CACNA2D2: variants seen among roughly 807,000 people sequenced by gnomAD.
CACNA2D2 encodes the protein voltage-dependent calcium channel subunit alpha-2/delta-2.
CACNA2D2 carries 48 observed loss-of-function variants against 166.4 expected under a neutral mutation model. The observed-to-expected ratio is 0.29, with a 90% confidence interval of 0.23 to 0.37. The LOEUF (loss-of-function observed/expected upper bound fraction) is 0.37. CACNA2D2 is among the 10% of genes least tolerant of loss of function. The pLI, the probability that CACNA2D2 is intolerant of heterozygous loss-of-function variation, is 1.00. For missense variants in CACNA2D2, 1,122 were observed against 1,433.0 expected (o/e 0.78, Z 3.50); for synonymous variants, 561 against 573.7 (o/e 0.98, Z 0.32).
chr3:50,474,859 C>T (rs1235300450), intron 2 of CACNA2D2, among the ~76,000 whole-genome samples: 2 of 152,188 alleles, frequency 1.3e-5, no homozygotes, highest in Non-Finnish European at 2.9e-5. Context: ...CTGGAAAGCT[C>T]TGCTGGCCTC....
intron 1 of CACNA2D2, among the ~76,000 whole-genome samples, chr3:50,495,790 C>T (rs1698699930): frequency 1.3e-5 from 2 of 152,160 alleles, no homozygotes; most frequent in South Asian, 4.1e-4. Context: ...GCTTCCCACT[C>T]TGCCTGAGCC....
At chr3:50,371,350 G>C (rs587628719) in intron 22 of CACNA2D2, among the ~76,000 whole-genome samples, 1 of 150,846 alleles carries the variant, frequency 6.6e-6, no homozygotes, top group African/African-American at 2.5e-5. Context: ...GCATGCATGT[G>C]TGTGTGTGTG....
chr3:50,366,311 C>T lies in CACNA2D2; in HGVS notation c.2665G>A (p.Gly889Arg). The T allele has an allele frequency of 6.2e-7, 1 of 1,614,070 alleles. No homozygotes were observed. Among genetic ancestry groups the T allele is most frequent in the South Asian group, 1.1e-5 (1 of 91,086 alleles). Reference protein sequence around the residue: ...EDLLCVLIDDGGFLVLSNQNH... With the variant: ...EDLLCVLIDDRGFLVLSNQNH... ...TGGTTTGACAGCACCAGGAATCCTC[C>T]ATCATCAATGAGGACACAGAGTAAG... Residue 889 changes from glycine to arginine, a missense_variant, in exon 31 of 38, where the codon GGA (glycine) becomes AGA (arginine). Physicochemically the swap from Gly to Arg is moderately radical, Grantham distance 125. This residue lies in a region of CACNA2D2 where 840 missense variants were observed against 1,166.8 expected (regional missense o/e 0.72). Coordinates refer to ENST00000424201, the MANE Select transcript of CACNA2D2 (RefSeq NM_006030.4). This position sits in a 1 kb window ranked among gnomAD's most constrained non-coding sequence, Gnocchi z 5.9.
intron 2 of CACNA2D2, among the ~76,000 whole-genome samples, chr3:50,470,446 G>A (rs528280722): frequency 6.2e-4 from 94 of 152,336 alleles, no homozygotes; most frequent in Non-Finnish European, 1.1e-3. Flanking sequence ...GCCCCTCTCT[G>A]ATGAGGGCGT....
chr3:50,486,912 A>G (rs1222187361), intron 1 of CACNA2D2, among the ~76,000 whole-genome samples: 1 of 152,242 alleles, frequency 6.6e-6, no homozygotes, highest in Non-Finnish European at 1.5e-5. Context: ...GCTGGAGGAC[A>G]GGGCTGGGAA....
At chr3:50,395,672 C>T (rs1182863798) in intron 3 of CACNA2D2, among the ~76,000 whole-genome samples, 1 of 152,228 alleles carries the variant, frequency 6.6e-6, no homozygotes, top group Non-Finnish European at 1.5e-5. Flanking sequence ...GTCATGGAGG[C>T]CGGCATTTCC....
Position 50,379,009 on chromosome 3 carries a change from G to A in CACNA2D2, c.1261-16C>T, listed in dbSNP as rs945121725. The A allele has an allele frequency of 5.0e-6, 8 of 1,613,822 alleles. No individual in the cohort carries two copies. The highest frequency in any genetic ancestry group is 2.2e-5 in the South Asian group (2 of 91,092). ...ACACGCGCACCTGTGGGGGGTTTGAGGTTACTGCTGTGGCCACCAGGGGAC... is the reference window on the plus strand; with the variant it reads ...ACACGCGCACCTGTGGGGGGTTTGAAGTTACTGCTGTGGCCACCAGGGGAC... On this transcript the variant is annotated splice_polypyrimidine_tract_variant and intron_variant, in intron 12 of 37. Coordinates refer to ENST00000424201, the MANE Select transcript of CACNA2D2 (RefSeq NM_006030.4). The surrounding 1 kb of genome is among the most constrained non-coding windows in gnomAD (Gnocchi z 6.5).
At chr3:50,458,935 C>T (rs1464314182) in intron 2 of CACNA2D2, among the ~76,000 whole-genome samples, 1 of 152,214 alleles carries the variant, frequency 6.6e-6, no homozygotes, top group Non-Finnish European at 1.5e-5. Context: ...CCCAGCCCAC[C>T]GACCTCCATC....
At chr3:50,481,274 A>T (rs999576772) in intron 1 of CACNA2D2, among the ~76,000 whole-genome samples, 1 of 152,178 alleles carries the variant, frequency 6.6e-6, no homozygotes, top group East Asian at 1.9e-4. Flanking sequence ...AAGGCCTGGT[A>T]GGGAGCAAGG....
chr3:50,428,625 C>A (rs1175679219), intron 3 of CACNA2D2, among the ~76,000 whole-genome samples: 1 of 152,166 alleles, frequency 6.6e-6, no homozygotes, highest in African/African-American at 2.4e-5. Context: ...CCCACTGGAG[C>A]CCCTAGAACC....
intron 5 of CACNA2D2, among the ~76,000 whole-genome samples, chr3:50,385,038 T>C (rs1705518340): frequency 6.6e-6 from 1 of 152,172 alleles, no homozygotes; most frequent in African/African-American, 2.4e-5. Context: ...GCCTGACAGG[T>C]GCCAATTATG....
chr3:50,471,545 C>T (rs765409398), intron 2 of CACNA2D2, among the ~76,000 whole-genome samples: 5 of 152,194 alleles, frequency 3.3e-5, no homozygotes, highest in Non-Finnish European at 5.9e-5. Flanking sequence ...AGGGCACCCG[C>T]CCAGAGTGTA....
intron 2 of CACNA2D2, among the ~76,000 whole-genome samples, chr3:50,462,430 A>AATAATAATAATAATAATG (rs879341559): frequency 7.0e-6 from 1 of 141,938 alleles, no homozygotes; most frequent in African/African-American, 2.7e-5. Flanking sequence ...TAATAATAAT[A>AATAATAATAATAATAATG]ATGATAATAA....
At position 50,376,250 on chromosome 3, in the gene CACNA2D2, G is replaced by C. The variant is rs1052705026; in HGVS notation, c.1627-62C>G. On this transcript the variant is annotated intron_variant, in intron 17 of 37. Coordinates refer to ENST00000424201, the MANE Select transcript of CACNA2D2 (RefSeq NM_006030.4). This position sits in a 1 kb window ranked among gnomAD's most constrained non-coding sequence, Gnocchi z 4.3. ...ATGGGCTGGGGTTCCCTGGGCTCCG[G>C]AGTTCTTCCCTATTTGGCCTCCCAC... is the stretch of plus-strand genomic sequence containing the variant. The C allele has an allele frequency of 6.4e-7, 1 of 1,561,848 alleles. No homozygotes were observed. Among genetic ancestry groups the C allele is most frequent in the African/African-American group, 1.4e-5 (1 of 73,866 alleles).
At chr3:50,393,679 T>C (rs999082567) in intron 4 of CACNA2D2, among the ~76,000 whole-genome samples, 20 of 152,322 alleles carry the variant, frequency 1.3e-4, no homozygotes, top group East Asian at 5.8e-4. Flanking sequence ...GGTGGACAGG[T>C]TGCTGTTCAG....
chr3:50,428,192 T>C (rs1251564040), intron 3 of CACNA2D2, among the ~76,000 whole-genome samples: 1 of 152,204 alleles, frequency 6.6e-6, no homozygotes, highest in Non-Finnish European at 1.5e-5. Flanking sequence ...GGTGTACTGC[T>C]GGCATCTAGT....
At chr3:50,447,207 T>C (rs1229431507) in intron 2 of CACNA2D2, among the ~76,000 whole-genome samples, 1 of 152,182 alleles carries the variant, frequency 6.6e-6, no homozygotes, top group Non-Finnish European at 1.5e-5. Flanking sequence ...GGGAACTCAC[T>C]GCCTGTGTGA....
Position 50,379,776 on chromosome 3 carries a change from G to C in CACNA2D2, c.942C>G (p.Val314=). Residue 314 remains valine, a synonymous_variant, in exon 10 of 38, where the codon GTC becomes GTG. Coordinates refer to ENST00000424201, the MANE Select transcript of CACNA2D2 (RefSeq NM_006030.4). This position sits in a 1 kb window ranked among gnomAD's most constrained non-coding sequence, Gnocchi z 6.5. ...CAGACAGCGTGTCCAGCATCTCGCAGACAGATGTCTTCATCAGCTTCAGGG... is the reference window on the plus strand; with the variant it reads ...CAGACAGCGTGTCCAGCATCTCGCACACAGATGTCTTCATCAGCTTCAGGG... ...GLTLKLMKTS[V]CEMLDTLSDD... 3 of 1,613,960 alleles carry C rather than the reference G, an allele frequency of 1.9e-6. No homozygotes were observed. Among genetic ancestry groups the C allele is most frequent in the Non-Finnish European group, 2.5e-6 (3 of 1,180,038 alleles).
intron 2 of CACNA2D2, among the ~76,000 whole-genome samples, chr3:50,468,016 G>A (rs1165805686): frequency 6.6e-6 from 1 of 152,150 alleles, no homozygotes; most frequent in African/African-American, 2.4e-5. Flanking sequence ...AAGTGCTTGG[G>A]GCTCCATGAA....
Sources: allele counts gnomAD v4.1 joint callset (sites outside exome capture counted in the v4.1 genomes callset), GRCh38; gene constraint gnomAD v4.1.1; regional missense constraint gnomAD v4.1.1; non-coding constraint Gnocchi (gnomAD v3.1); transcripts MANE v1.5; gene names NCBI Gene and HGNC (gene_info 2026-07-23, HGNC 2026-07-21).